The following WBP1L variants were observed in gnomAD, a reference collection of about 807,000 sequenced individuals.
WBP1L encodes WW domain binding protein 1 like, also known as WW domain binding protein 1-like.
Under a neutral mutation model 33.7 loss-of-function variants are expected in WBP1L, and 17 were observed. The ratio of observed to expected loss-of-function variants is 0.50; its 90% CI spans 0.34 to 0.76. The LOEUF is 0.76. WBP1L is among the 30% of genes least tolerant of loss of function. WBP1L has a pLI of 0.01. For synonymous variants in WBP1L, 173 were observed against 190.8 expected (o/e 0.91, Z 0.77); for missense variants, 389 against 469.4 (o/e 0.83, Z 1.58).
intron 1 of WBP1L, among the ~76,000 whole-genome samples, chr10:102,781,782 A>G (rs900954838): frequency 6.6e-6 from 1 of 150,674 alleles, no homozygotes; most frequent in African/African-American, 2.4e-5. Flanking sequence ...AAGTCTTGTG[A>G]CAGCTCCACA....
intron 1 of WBP1L, among the ~76,000 whole-genome samples, chr10:102,754,117 A>AG (rs1336882698): frequency 6.6e-6 from 1 of 152,208 alleles, no homozygotes; most frequent in African/African-American, 2.4e-5. Flanking sequence ...CTCTCTTAGT[A>AG]GTTCATTTGG....
chr10:102,797,865 T>A, intron 1 of WBP1L, 128 bp from the exon 2 acceptor site: 1 of 867,412 alleles, frequency 1.2e-6, no homozygotes, highest in South Asian at 1.7e-5. Context: ...TTGATTTTCT[T>A]AATGGAATAA....
intron 1 of WBP1L, among the ~76,000 whole-genome samples, chr10:102,767,364 T>A (rs1296275187): frequency 6.6e-6 from 1 of 152,174 alleles, no homozygotes; most frequent in Non-Finnish European, 1.5e-5. Flanking sequence ...CTTTTATTTC[T>A]TTCCATTTAA....
chr10:102,771,940 T>TA (rs1240573547), intron 1 of WBP1L, among the ~76,000 whole-genome samples: 1 of 151,412 alleles, frequency 6.6e-6, no homozygotes, highest in Non-Finnish European at 1.5e-5. Context: ...CTTGGGGCCA[T>TA]AAGTAGTTGT....
At chr10:102,776,830 G>C (rs2134042492) in intron 1 of WBP1L, among the ~76,000 whole-genome samples, 1 of 152,214 alleles carries the variant, frequency 6.6e-6, no homozygotes, top group Middle Eastern at 3.4e-3. Flanking sequence ...TGGTTCTGAA[G>C]GGACTCTGTG....
Position 102,797,967 on chromosome 10 carries a change from G to C in WBP1L, c.91-26G>C, listed in dbSNP as rs141143099. ...GTGTTCAAAAGCTGTCATTTAATAT[G>C]CTAACATGCTTTTTTAATTTTTTAG... On this transcript the variant is annotated intron_variant, in intron 1 of 3. Transcript: ENST00000448841. 44 of 1,595,038 alleles carry C rather than the reference G, an allele frequency of 2.8e-5. No individual in the cohort carries two copies. The East Asian group carries it at 8.9e-4, about 32-fold the overall frequency.
chr10:102,751,389 C>G (rs879345478), intron 1 of WBP1L, among the ~76,000 whole-genome samples: 1 of 151,082 alleles, frequency 6.6e-6, no homozygotes, highest in African/African-American at 2.4e-5. Context: ...GCAATCTCAG[C>G]TCACTGCAAT....
chr10:102,765,554 G>A (rs1352577878), intron 1 of WBP1L, among the ~76,000 whole-genome samples: 6 of 152,070 alleles, frequency 3.9e-5, no homozygotes, highest in Non-Finnish European at 5.9e-5. Context: ...CTTTAGTCAC[G>A]TCTTTATCTC....
rs1164943665 is a variant in WBP1L at position 102,754,503 on chromosome 10, A to G, written c.90+10360A>G. Among the ~76,000 whole-genome samples, 5 of 152,176 alleles carry G rather than the reference A, an allele frequency of 3.3e-5. No individual in the cohort carries two copies. In the East Asian group the frequency reaches 5.8e-4, roughly 18 times the overall value. ...AACCTCCGCCTCCCAGGTTCAAGCGATTCTCCTGCCTCAGCCTCCCGAGTG... is the reference window on the plus strand; with the variant it reads ...AACCTCCGCCTCCCAGGTTCAAGCGGTTCTCCTGCCTCAGCCTCCCGAGTG... On this transcript the variant is annotated intron_variant, in intron 1 of 3. Transcript: ENST00000448841.
At chr10:102,782,852 C>G (rs767197665) in intron 1 of WBP1L, among the ~76,000 whole-genome samples, 1 of 152,122 alleles carries the variant, frequency 6.6e-6, no homozygotes, top group Admixed American at 6.6e-5. Context: ...GAGGGTTTGC[C>G]GGGACTGTGT....
intron 1 of WBP1L, among the ~76,000 whole-genome samples, chr10:102,754,852 A>G (rs1477206731): frequency 1.3e-5 from 2 of 151,834 alleles, no homozygotes; most frequent in Non-Finnish European, 2.9e-5. Context: ...CTACAGGCAC[A>G]CACTACAGTG....
At chr10:102,767,584 G>A (rs7079231) in intron 1 of WBP1L, among the ~76,000 whole-genome samples, 109,725 of 151,966 alleles carry the variant, frequency 0.72, 39,893 homozygotes, top group East Asian at 0.9. Context: ...GTGGAGTCAG[G>A]AACCTAGGAC....
intron 1 of WBP1L, among the ~76,000 whole-genome samples, chr10:102,768,353 G>A (rs1399702040): frequency 2.0e-5 from 3 of 148,014 alleles, no homozygotes; most frequent in African/African-American, 5.1e-5. Flanking sequence ...GAGCCATTGC[G>A]CCTGGCATTA....
chr10:102,746,616 G>T (rs1842866665), intron 1 of WBP1L, among the ~76,000 whole-genome samples: 2 of 151,466 alleles, frequency 1.3e-5, no homozygotes, highest in African/African-American at 4.8e-5. Context: ...TTTTGGGGGG[G>T]GTGGGGGAAG....
At chr10:102,770,391 G>A (rs1843172113) in intron 1 of WBP1L, among the ~76,000 whole-genome samples, 1 of 152,082 alleles carries the variant, frequency 6.6e-6, no homozygotes, top group South Asian at 2.1e-4. Context: ...ATGGCCTTAC[G>A]CCTGGAGATT....
At chr10:102,810,491 CTCCTTCCTTCCT>C (rs796637182) in intron 3 of WBP1L, among the ~76,000 whole-genome samples, 40,213 of 81,176 alleles carry the variant, frequency 0.5, 10,840 homozygotes, top group Middle Eastern at 0.56. Flanking sequence ...CCTTCCTTCC[CTCCTTCCTTCCT>C]TCCTTCCTTC....
At chr10:102,749,455 T>G (rs1263831933) in intron 1 of WBP1L, among the ~76,000 whole-genome samples, 1 of 147,422 alleles carries the variant, frequency 6.8e-6, no homozygotes, top group African/African-American at 2.5e-5. Context: ...ATTTTTTTTC[T>G]TTTTTTTTTC....
At chr10:102,759,615 A>G (rs545907557) in intron 1 of WBP1L, among the ~76,000 whole-genome samples, 9 of 152,282 alleles carry the variant, frequency 5.9e-5, no homozygotes, top group Non-Finnish European at 7.4e-5. Context: ...GTTTGGGACT[A>G]TTATGAATAA....
At chr10:102,807,311 G>A (rs1843751093) in intron 2 of WBP1L, among the ~76,000 whole-genome samples, 1 of 115,872 alleles carries the variant, frequency 8.6e-6, no homozygotes, top group South Asian at 2.5e-4. Flanking sequence ...AAAGGAGCAG[G>A]TACTGTCTGT....
Sources: allele counts gnomAD v4.1 joint callset (sites outside exome capture counted in the v4.1 genomes callset), GRCh38; gene constraint gnomAD v4.1.1; transcripts MANE v1.5; gene names NCBI Gene and HGNC (gene_info 2026-07-23, HGNC 2026-07-21).